GYS1: variants seen among roughly 807,000 people sequenced by gnomAD.
GYS1 encodes the protein glycogen [starch] synthase, muscle.
Under a neutral mutation model 89.1 loss-of-function variants are expected in GYS1, and 60 were observed. The observed-to-expected ratio is 0.67, with a 90% CI of 0.55 to 0.84. GYS1 has a LOEUF of 0.84. Among genes scored for constraint, GYS1 ranks in the 40% least tolerant of loss-of-function variants. GYS1 has a pLI of 0.00. For synonymous variants in GYS1, 366 were observed against 401.7 expected, an observed-to-expected ratio of 0.91 and a Z score of 1.06; for missense variants, 888 against 1,003.1, an observed-to-expected ratio of 0.89 and a Z score of 1.55.
intron 8 of GYS1, among the ~76,000 whole-genome samples, chr19:48,980,235 C>T (rs953065571): frequency 1.3e-5 from 2 of 152,186 alleles, no homozygotes; most frequent in Non-Finnish European, 2.9e-5. Flanking sequence ...CACCTTTCCT[C>T]GTCTCTGCCC....
At chr19:48,969,678 A>C in intron 15 of GYS1, 67 bp from the exon 16 acceptor site, 1 of 1,573,240 alleles carries the variant, frequency 6.4e-7, no homozygotes, top group Non-Finnish European at 8.7e-7. Context: ...CCAGGCATCC[A>C]GCCACCTCTA....
intron 13 of GYS1, 48 bp downstream of exon 13, chr19:48,970,880 A>T: frequency 6.7e-7 from 1 of 1,485,866 alleles, no homozygotes; most frequent in Non-Finnish European, 9.4e-7. Flanking sequence ...TCCAGGAGTC[A>T]CTGTTCTCAA....
chr19:48,979,443 TCTC>T (rs1240208185), intron 8 of GYS1, among the ~76,000 whole-genome samples: 34 of 144,266 alleles, frequency 2.4e-4, no homozygotes, highest in African/African-American at 8.6e-4. Context: ...TTCAAGAAAT[TCTC>T]CTGCCTCAGC....
chr19:48,977,107 G>C (rs576149757), intron 10 of GYS1, among the ~76,000 whole-genome samples: 2 of 151,920 alleles, frequency 1.3e-5, no homozygotes, highest in South Asian at 4.2e-4. Context: ...CTTTCTTTTG[G>C]GGGTGGGTGG....
intron 12 of GYS1, among the ~76,000 whole-genome samples, chr19:48,972,471 A>G (rs961072167): frequency 2.3e-4 from 34 of 150,472 alleles, no homozygotes; most frequent in African/African-American, 8.4e-4. Flanking sequence ...ACTGCCCCTG[A>G]CCTATAATTA....
At position 48,968,257 on chromosome 19, in the gene GYS1, C is replaced by T; in HGVS notation, c.*1031G>A. On this transcript the variant is annotated 3_prime_UTR_variant, in exon 16 of 16. Coordinates refer to ENST00000323798, the MANE Select transcript of GYS1 (RefSeq NM_002103.5). ...AGCACAGCACACATGAGGGGCCCTC[C>T]CTTTCACCAAAGCTGAAGGCAGGGC... The T allele has an allele frequency of 2.2e-6, 1 of 454,392 alleles. No individual in the cohort carries two copies. The highest frequency in any genetic ancestry group is 4.4e-6 in the Non-Finnish European group (1 of 226,790). 28.1% of individuals were successfully genotyped at this position (454,392 alleles called of 1,614,324 possible). A position where few individuals can be genotyped will look rare whatever the true frequency, so the allele number is the denominator to read the frequency against.
chr19:48,985,919 G>A lies in GYS1; in HGVS notation c.609C>T (p.Thr203=), dbSNP rs1277950492. ...AGCGCCCCAGCAGCGTGGCATGGGT[G>A]GTGAAGATGGTTGCTACAGGCAGTC... ...ARRLPVATIF[T]THATLLGRYL... is the part of the protein sequence containing the mutation. Residue 203 remains threonine, a synonymous_variant, in exon 4 of 16, where the codon ACC becomes ACT. Transcript: ENST00000323798. 1 of 1,614,172 alleles carries A rather than the reference G, an allele frequency of 6.2e-7. No homozygotes were observed. Among genetic ancestry groups the A allele is most frequent in the Non-Finnish European group, 8.5e-7 (1 of 1,180,040 alleles).
Position 48,985,567 on chromosome 19 carries a change from G to A in GYS1, c.717C>T (p.Tyr239=), listed in dbSNP as rs2038830065. ...CCGCCCTTTCCATGCAGTATCGGTG[G>A]TAGATCTGCCTCTCCCCTGCTTCCT... ...VDKEAGERQI[Y]HRYCMERAAA... The change falls in exon 5 of 16, where the codon TAC becomes TAT. Residue 239 remains tyrosine (Y), a synonymous_variant. Coordinates refer to ENST00000323798, the MANE Select transcript of GYS1 (RefSeq NM_002103.5). The A allele has an allele frequency of 1.9e-6, 3 of 1,613,856 alleles. No homozygotes were observed. The East Asian group carries it at 6.7e-5, about 36-fold the overall frequency.
chr19:48,982,107 G>A (rs1210210042), intron 7 of GYS1, 148 bp downstream of exon 7: 1 of 799,750 alleles, frequency 1.3e-6, no homozygotes, highest in Non-Finnish European at 2.1e-6. Flanking sequence ...TGCCCAGGCT[G>A]GTCTCCATCT....
chr19:48,993,259 C>A lies in GYS1; in HGVS notation c.-147G>T. The A allele has an allele frequency of 2.7e-6, 2 of 744,064 alleles. No individual in the cohort carries two copies. Among genetic ancestry groups the A allele is most frequent in the South Asian group, 1.4e-5 (1 of 73,056 alleles). The allele number at this position is 744,064 out of a possible 1,614,324, so 46.1% of individuals were successfully genotyped here. A position where few individuals can be genotyped will look rare whatever the true frequency, so the allele number is the denominator to read the frequency against. Reference sequence around the variant, plus strand: ...CTCGGCTTCCTATTGCAAGACCGCACCCCTGCCCCGAAGCGTTGGGACCTA... The same window carrying A: ...CTCGGCTTCCTATTGCAAGACCGCAACCCTGCCCCGAAGCGTTGGGACCTA... On this transcript the variant is annotated 5_prime_UTR_variant, in exon 1 of 16. Transcript: ENST00000323798.
At chr19:48,989,760 C>T (rs989955456) in intron 2 of GYS1, among the ~76,000 whole-genome samples, 1 of 152,124 alleles carries the variant, frequency 6.6e-6, no homozygotes, top group Non-Finnish European at 1.5e-5. Flanking sequence ...ATCCTCTGTC[C>T]GTGCCCCAGG....
intron 11 of GYS1, 22 bp from the exon 12 acceptor site, chr19:48,974,361 T>C (rs1355604918): frequency 1.2e-6 from 2 of 1,613,538 alleles, no homozygotes; most frequent in Non-Finnish European, 1.7e-6. Flanking sequence ...AAAGAAGGAC[T>C]CAGCCCAAGT....
rs914537376 is a variant in GYS1 at position 48,970,818 on chromosome 19, C to G, written c.1646-109G>C. 2.9e-6 allele frequency: 4 copies of G among 1,401,284 alleles called. No individual in the cohort carries two copies. The African/African-American group carries it at 4.2e-5, about 15-fold the overall frequency. The allele number at this position is 1,401,284 out of a possible 1,614,324, so 86.8% of individuals were successfully genotyped here. On this transcript the variant is annotated intron_variant, in intron 13 of 15. Coordinates refer to ENST00000323798, the MANE Select transcript of GYS1 (RefSeq NM_002103.5). ...CTCTCCCAGCGGCCCGAGAGCCCCC[C>G]CATTTCCTGGTGCCCCTGGTCTCCA...
Position 48,978,082 on chromosome 19 carries a change from A to C in GYS1, c.1229+16T>G, listed in dbSNP as rs762181849. Reference sequence around the variant, plus strand: ...CAGGGCCTAGGAGGGCACAGGGCTGAGGGTGGGGCACTCACACCAGTAAGG... The same window carrying C: ...CAGGGCCTAGGAGGGCACAGGGCTGCGGGTGGGGCACTCACACCAGTAAGG... On this transcript the variant is annotated intron_variant, in intron 9 of 15. Transcript: ENST00000323798. The C allele has an allele frequency of 1.5e-5, 24 of 1,612,534 alleles. No individual in the cohort carries two copies. The East Asian group carries it at 5.1e-4, about 34-fold the overall frequency.
intron 12 of GYS1, among the ~76,000 whole-genome samples, chr19:48,972,898 G>A (rs1009710620): frequency 1.3e-5 from 2 of 152,104 alleles, no homozygotes; most frequent in Admixed American, 1.3e-4. Context: ...ATACTCAAGA[G>A]GCTGAGGCAG....
chr19:48,985,391 G>A (rs1422420715), intron 5 of GYS1, 70 bp downstream of exon 5: 3 of 1,510,772 alleles, frequency 2.0e-6, no homozygotes, highest in East Asian at 2.3e-5. Flanking sequence ...CTTGGGCTGA[G>A]GAGCAACTGG....
At chr19:48,990,556 G>T (rs1319571152) in intron 2 of GYS1, among the ~76,000 whole-genome samples, 1 of 152,050 alleles carries the variant, frequency 6.6e-6, no homozygotes, top group Non-Finnish European at 1.5e-5. Flanking sequence ...TAATGACGAT[G>T]ATCATAACAA....
chr19:48,990,144 G>C (rs905164801), intron 2 of GYS1, among the ~76,000 whole-genome samples: 2 of 151,680 alleles, frequency 1.3e-5, no homozygotes, highest in Non-Finnish European at 3.0e-5. Flanking sequence ...GGCTGTGAAT[G>C]AGTAAAGGAA....
rs2303049 is a variant in GYS1 at position 48,991,555 on chromosome 19, C to T, written c.119-72G>A. ...TTCTGGGGCCTGGGGTGGGGTGGGC[C>T]GGGGATGTAGGGGGCACTCAGGCCC... On this transcript the variant is annotated intron_variant, in intron 1 of 15. Coordinates refer to ENST00000323798, the MANE Select transcript of GYS1 (RefSeq NM_002103.5). The surrounding 1 kb of genome is among the most constrained non-coding windows in gnomAD (Gnocchi z 4.7). The T allele has an allele frequency of 0.1, 83,845 of 810,752 alleles. 3,385 individuals carry two copies. The highest frequency in any genetic ancestry group is 0.15 in the Admixed American group (8,190 of 54,162). 50.2% of individuals were successfully genotyped at this position (810,752 alleles called of 1,614,324 possible).
Sources: gnomAD v4.1 joint callset for allele counts (sites outside exome capture counted in the v4.1 genomes callset) on GRCh38, gnomAD v4.1.1 for gene constraint, Gnocchi (gnomAD v3.1) non-coding constraint, MANE v1.5 for transcripts, NCBI Gene and HGNC (gene_info 2026-07-23, HGNC 2026-07-21) for gene names.